NF1: variants seen among roughly 807,000 people sequenced by gnomAD.
NF1 encodes neurofibromin.
NF1 carries 122 observed loss-of-function variants against 325.7 expected under a neutral mutation model. The ratio of observed to expected loss-of-function variants is 0.37; its 90% CI spans 0.32 to 0.44. NF1 has a LOEUF of 0.44. Ranked by LOEUF, NF1 falls within the 20% of genes least tolerant of loss-of-function variation. The pLI is 1.00. For missense variants in NF1, 2,140 were observed against 3,415.4 expected (o/e 0.63, Z 9.31); for synonymous variants, 1,091 against 1,186.0 (o/e 0.92, Z 1.65).
rs1489857679 is a variant in NF1, at chr17:31,371,129, A to G, written c.8378-2884A>G. Among the ~76,000 whole-genome samples the G allele has an allele frequency of 3.3e-5, 5 of 152,214 alleles. No individual in the cohort carries two copies. The East Asian group carries it at 7.7e-4, about 23-fold the overall frequency. Reference sequence around the variant, plus strand: ...AGGTATCTAGCTATCACATTTTAAAATGGAAGTGTTCAGTTCATTCAGTAT... The same window carrying G: ...AGGTATCTAGCTATCACATTTTAAAGTGGAAGTGTTCAGTTCATTCAGTAT... On this transcript the variant is annotated intron_variant, in intron 57 of 57. Coordinates refer to ENST00000358273, the MANE Select transcript of NF1 (RefSeq NM_001042492.3).
intron 36 of NF1, among the ~76,000 whole-genome samples, chr17:31,309,787 A>G (rs887408102): frequency 2.6e-5 from 4 of 152,196 alleles, no homozygotes; most frequent in Non-Finnish European, 5.9e-5. Context: ...CCTATCCTCT[A>G]CTGTCAGTAG....
In NF1 at chr17:31,244,219, T is replaced by C. The variant is rs1282458797; in HGVS notation, c.3975-4765T>C. ...AAGGTCCTCTTTACTCTCTCCACTC[T>C]TGTATTTGAACAGAGGGAAGGCATC... On this transcript the variant is annotated intron_variant, in intron 29 of 57. Transcript: ENST00000358273. Among the ~76,000 whole-genome samples the C allele has an allele frequency of 3.3e-5, 5 of 152,128 alleles. 1 individual carries two copies. The highest frequency in any genetic ancestry group is 3.3e-4 in the Admixed American group (5 of 15,280).
chr17:31,328,202 TTA>T (rs2069396567), intron 38 of NF1, among the ~76,000 whole-genome samples: 1 of 152,230 alleles, frequency 6.6e-6, no homozygotes, highest in Non-Finnish European at 1.5e-5. Flanking sequence ...GATTATTGCT[TTA>T]CAAAAGAAGG....
chr17:31,242,305 C>CTCTT (rs1567855418), intron 29 of NF1, among the ~76,000 whole-genome samples: 1 of 68,850 alleles, frequency 1.5e-5, no homozygotes, highest in Non-Finnish European at 2.7e-5. Flanking sequence ...CATAAGTTCT[C>CTCTT]TTTTTTTTTT....
chr17:31,218,303 G>A (rs916835774), intron 13 of NF1, among the ~76,000 whole-genome samples: 6 of 152,114 alleles, frequency 3.9e-5, no homozygotes, highest in African/African-American at 9.7e-5. Context: ...ATGGGAATTC[G>A]TGGTTTTTGT....
intron 1 of NF1, among the ~76,000 whole-genome samples, chr17:31,146,742 G>A (rs1008008303): frequency 2.0e-5 from 3 of 152,254 alleles, no homozygotes; most frequent in African/African-American, 4.8e-5. Context: ...AGCCTGGAGC[G>A]AGAATGGGAG....
Position 31,201,584 on chromosome 17 carries a change from G to C in NF1, c.1260+99G>C, listed in dbSNP as rs150902431. On this transcript the variant is annotated intron_variant, in intron 11 of 57. Coordinates refer to ENST00000358273, the MANE Select transcript of NF1 (RefSeq NM_001042492.3). Reference sequence around the variant, plus strand: ...AAATGCACTCTTGGTTTTCAAAAAGGTTCTGAATTTAGATGTATGAAATAG... The same window carrying C: ...AAATGCACTCTTGGTTTTCAAAAAGCTTCTGAATTTAGATGTATGAAATAG... 14 of 891,964 alleles carry C rather than the reference G, an allele frequency of 1.6e-5. 1 individual carries two copies. The African/African-American group carries it at 2.3e-4, about 15-fold the overall frequency. 55.3% of individuals were successfully genotyped at this position (891,964 alleles called of 1,614,324 possible). A position where few individuals can be genotyped will look rare whatever the true frequency, so the allele number is the denominator to read the frequency against.
intron 29 of NF1, among the ~76,000 whole-genome samples, chr17:31,242,658 G>T (rs537697435): frequency 3.9e-5 from 6 of 152,142 alleles, no homozygotes; most frequent in African/African-American, 1.4e-4. Flanking sequence ...CAATCTCTTC[G>T]TTAAATTTAT....
chr17:31,119,793 A>G (rs1181905398), intron 1 of NF1, among the ~76,000 whole-genome samples: 2 of 152,252 alleles, frequency 1.3e-5, no homozygotes, highest in South Asian at 2.1e-4. Flanking sequence ...TGTATAAGGT[A>G]TAACAAAAGG....
chr17:31,301,491 T>C (rs1409888858), intron 36 of NF1, among the ~76,000 whole-genome samples: 3 of 152,192 alleles, frequency 2.0e-5, no homozygotes, highest in Admixed American at 6.5e-5. Context: ...GTTTTAGTTA[T>C]AGGTTCCCAA....
In NF1 at chr17:31,357,090, A is replaced by G. The variant is rs876659536; in HGVS notation, c.7869A>G (p.Leu2623=). The G allele has an allele frequency of 2.5e-6, 4 of 1,613,370 alleles. No homozygotes were observed. The highest frequency in any genetic ancestry group is 3.4e-6 in the Non-Finnish European group (4 of 1,179,946). Reference sequence around the variant, plus strand: ...TCCAGGCGCTGCTTCTTACTGTTCTAGTAAGGATTTCCCCTTTTTGAGTCC... The same window carrying G: ...TCCAGGCGCTGCTTCTTACTGTTCTGGTAAGGATTTCCCCTTTTTGAGTCC... ...PKIQALLLTV[L]ATLVKYTTDE... Residue 2623 remains leucine, a splice_region_variant and synonymous_variant, in exon 53 of 58, where the codon CTA becomes CTG. Coordinates refer to ENST00000358273, the MANE Select transcript of NF1 (RefSeq NM_001042492.3).
chr17:31,121,658 C>T (rs1458568708), intron 1 of NF1, among the ~76,000 whole-genome samples: 2 of 151,956 alleles, frequency 1.3e-5, no homozygotes, highest in Non-Finnish European at 2.9e-5. Flanking sequence ...TATCAAAGGC[C>T]TTTTCTTCAT....
intron 1 of NF1, among the ~76,000 whole-genome samples, chr17:31,107,126 T>A (rs1912927012): frequency 6.6e-6 from 1 of 152,164 alleles, no homozygotes; most frequent in Admixed American, 6.5e-5. Context: ...TTTTTTTCTA[T>A]CCTCCTGTCT....
chr17:31,128,790 C>T (rs1915096670), intron 1 of NF1, among the ~76,000 whole-genome samples: 1 of 152,052 alleles, frequency 6.6e-6, no homozygotes, highest in Non-Finnish European at 1.5e-5. Flanking sequence ...AGCATGGTAG[C>T]AGGCGCCTGT....
chr17:31,228,892 A>T, intron 20 of NF1, 133 bp from the exon 21 acceptor site: 1 of 672,520 alleles, frequency 1.5e-6, no homozygotes, highest in Non-Finnish European at 2.5e-6. Context: ...TGGTAATTTT[A>T]TGGGTTGATT....
intron 57 of NF1, 196 bp downstream of exon 57, chr17:31,360,899 A>G (rs2151588698): frequency 1.6e-6 from 1 of 611,732 alleles, no homozygotes; most frequent in Middle Eastern, 4.4e-4. Context: ...GTTGTACATA[A>G]GACAGTAAAA....
intron 48 of NF1, among the ~76,000 whole-genome samples, chr17:31,343,434 A>C (rs1349272170): frequency 2.6e-5 from 4 of 152,034 alleles, no homozygotes; most frequent in Non-Finnish European, 4.4e-5. Context: ...AGTCCCAGCT[A>C]CTTAGGAGGC....
rs1473637708 is a variant in NF1 at position 31,233,348 on chromosome 17, A to G, written c.3708+135A>G. 1.9e-5 allele frequency: 17 copies of G among 903,274 alleles called. No homozygotes were observed. The East Asian group carries it at 4.5e-4, about 24-fold the overall frequency. The allele number at this position is 903,274 out of a possible 1,614,324, so 56.0% of individuals were successfully genotyped here. A position where few individuals can be genotyped will look rare whatever the true frequency, so the allele number is the denominator to read the frequency against. On this transcript the variant is annotated intron_variant, in intron 27 of 57. Coordinates refer to ENST00000358273, the MANE Select transcript of NF1 (RefSeq NM_001042492.3). ...CAGAAGAAAGATGTTTAGTTAGGTGATTTTTCAGCTGTAGGGAAGTGGTTG... is the reference window on the plus strand; with the variant it reads ...CAGAAGAAAGATGTTTAGTTAGGTGGTTTTTCAGCTGTAGGGAAGTGGTTG...
chr17:31,166,801 A>C (rs886568283), intron 4 of NF1, among the ~76,000 whole-genome samples: 1 of 152,116 alleles, frequency 6.6e-6, no homozygotes, highest in Non-Finnish European at 1.5e-5. Flanking sequence ...GTTTATATCC[A>C]GTCTCCATGT....
Sources: allele counts gnomAD v4.1 joint callset (sites outside exome capture counted in the v4.1 genomes callset), GRCh38; gene constraint gnomAD v4.1.1; transcripts MANE v1.5; gene names NCBI Gene and HGNC (gene_info 2026-07-23, HGNC 2026-07-21).